LIFR: variants seen among roughly 807,000 people sequenced by gnomAD.
LIFR encodes leukemia inhibitory factor receptor.
LIFR carries 84 observed loss-of-function variants against 122.2 expected under a neutral mutation model. The observed-to-expected ratio is 0.69, with a 90% CI of 0.58 to 0.82. The LOEUF is 0.82. LIFR is among the 40% of genes least tolerant of loss of function. The probability of loss-of-function intolerance (pLI) is 0.00; values close to 1 mark genes in which losing one functional copy is unlikely to be tolerated. For missense variants in LIFR, 1,294 were observed against 1,311.6 expected (o/e 0.99, Z 0.21); for synonymous variants, 422 against 434.7 (o/e 0.97, Z 0.36).
intron 3 of LIFR, 88 bp downstream of exon 3, chr5:38,528,638 T>C: frequency 1.2e-6 from 1 of 833,882 alleles, no homozygotes. Flanking sequence ...GAAATAACCC[T>C]TTAGTTTCAC....
intron 1 of LIFR, among the ~76,000 whole-genome samples, chr5:38,588,830 T>C (rs1749830775): frequency 6.6e-6 from 1 of 152,170 alleles, no homozygotes; most frequent in South Asian, 2.1e-4. Flanking sequence ...CTGGAATTAC[T>C]CTAGAAAGTG....
At chr5:38,567,463 G>GT (rs1749059123) in intron 1 of LIFR, among the ~76,000 whole-genome samples, 1 of 149,124 alleles carries the variant, frequency 6.7e-6, no homozygotes, top group Non-Finnish European at 1.5e-5. Context: ...AAGCTGTTTG[G>GT]TTTTTATTTC....
At chr5:38,493,565 T>C (rs759237113) in intron 14 of LIFR, 41 bp downstream of exon 14, 1 of 1,579,070 alleles carries the variant, frequency 6.3e-7, no homozygotes, top group Non-Finnish European at 8.7e-7. Context: ...CTTTTAAAAA[T>C]ATTTTGTAGA....
At chr5:38,559,717 G>T (rs1748760909), upstream of LIFR, among the ~76,000 whole-genome samples, 2 of 152,216 alleles carry the variant, frequency 1.3e-5, no homozygotes, top group African/African-American at 4.8e-5. Flanking sequence ...TGTAGGTTTT[G>T]TCACAAGCTA....
chr5:38,605,887 A>G (rs1252871769), intron 2 of LIFR, among the ~76,000 whole-genome samples: 1 of 152,176 alleles, frequency 6.6e-6, no homozygotes, highest in African/African-American at 2.4e-5. Context: ...CATGTTACGT[A>G]TATTGATTGA....
chr5:38,569,722 C>T (rs1749148386), intron 1 of LIFR, among the ~76,000 whole-genome samples: 2 of 152,170 alleles, frequency 1.3e-5, no homozygotes, highest in South Asian at 2.1e-4. Flanking sequence ...CTAATTGGCA[C>T]ACCCTAAAAT....
At chr5:38,535,678 A>G (rs1039656384) in intron 1 of LIFR, among the ~76,000 whole-genome samples, 1 of 152,176 alleles carries the variant, frequency 6.6e-6, no homozygotes, top group Non-Finnish European at 1.5e-5. Flanking sequence ...GAGAGCAAAC[A>G]CATCCGAGTT....
chr5:38,535,420 G>A (rs1454877547), intron 1 of LIFR, among the ~76,000 whole-genome samples: 1 of 152,108 alleles, frequency 6.6e-6, no homozygotes, highest in Non-Finnish European at 1.5e-5. Flanking sequence ...ATGTTCCATA[G>A]GCCAAATCTT....
chr5:38,594,750 C>T (rs886688361), intron 1 of LIFR, among the ~76,000 whole-genome samples: 1 of 152,154 alleles, frequency 6.6e-6, no homozygotes, highest in African/African-American at 2.4e-5. Context: ...ACACACTAAT[C>T]TGGTTTTAGC....
At chr5:38,502,533 A>T in intron 11 of LIFR, 104 bp downstream of exon 11, 1 of 947,288 alleles carries the variant, frequency 1.1e-6, no homozygotes, top group Non-Finnish European at 1.7e-6. Context: ...TGCTGGGATT[A>T]CAGGTGTGAC....
chr5:38,562,057 A>G (rs572020556), intron 1 of LIFR, among the ~76,000 whole-genome samples: 1 of 152,300 alleles, frequency 6.6e-6, no homozygotes, highest in Admixed American at 6.5e-5. Context: ...GAGCACCGCA[A>G]ATGTGAAGAC....
Position 38,504,029 on chromosome 5 carries a change from T to A in LIFR, c.1384A>T (p.Ile462Phe). Reference protein sequence around the residue: ...SWHLPGNFAKINFLCEIEIKK... With the variant: ...SWHLPGNFAKFNFLCEIEIKK... ...ATTTCAATTTCACATAAAAAATTAA[T>A]CTTTGCAAAGTTGCCTGGTAAATGC... The change falls in exon 10 of 20, where the codon ATT (isoleucine) becomes TTT (phenylalanine). Residue 462 changes from isoleucine to phenylalanine, a missense_variant. Physicochemically the swap from Ile to Phe is conservative, Grantham distance 21. Transcript: ENST00000453190. 6.3e-7 allele frequency: 1 copy of A among 1,591,820 alleles called. No homozygotes were observed. Among genetic ancestry groups the A allele is most frequent in the Admixed American group, 1.7e-5 (1 of 59,956 alleles).
At chr5:38,557,333 T>C (rs1181592938), upstream of LIFR, 2 of 152,702 alleles carry the variant, frequency 1.3e-5, no homozygotes, top group Non-Finnish European at 1.5e-5. Context: ...CTCCGTACAT[T>C]GTTCCCATTT....
At chr5:38,483,198 A>C (rs1744090964) in intron 18 of LIFR, among the ~76,000 whole-genome samples, 1 of 152,208 alleles carries the variant, frequency 6.6e-6, no homozygotes, top group Non-Finnish European at 1.5e-5. Flanking sequence ...TGCTAAGAAA[A>C]AGGCTATTAA....
intron 3 of LIFR, 57 bp from the exon 4 acceptor site, chr5:38,527,351 A>G: frequency 8.4e-7 from 1 of 1,194,854 alleles, no homozygotes; most frequent in Non-Finnish European, 1.2e-6. Context: ...TAATTTTCAT[A>G]AAAATTTGGT....
chr5:38,545,428 A>G (rs1428907338), intron 1 of LIFR, among the ~76,000 whole-genome samples: 4 of 152,150 alleles, frequency 2.6e-5, no homozygotes, highest in African/African-American at 9.7e-5. Context: ...ATATGTAACA[A>G]TGTTGCCTGG....
chr5:38,559,537 TATA>T (rs1200354580), upstream of LIFR, among the ~76,000 whole-genome samples: 1 of 152,260 alleles, frequency 6.6e-6, no homozygotes, highest in Non-Finnish European at 1.5e-5. Flanking sequence ...TTCTAATTTA[TATA>T]ATATTTACTT....
At chr5:38,505,709 C>T (rs1227591789) in intron 9 of LIFR, among the ~76,000 whole-genome samples, 196 bp downstream of exon 9, 2 of 151,806 alleles carry the variant, frequency 1.3e-5, no homozygotes, top group East Asian at 3.9e-4. Flanking sequence ...ATTACTAATT[C>T]AAGTATTTAA....
chr5:38,530,709 G>T, intron 1 of LIFR, 43 bp from the exon 2 acceptor site: 2 of 1,535,410 alleles, frequency 1.3e-6, no homozygotes, highest in South Asian at 2.2e-5. Flanking sequence ...AGATTGTTCT[G>T]AAGGCTCACC....
Sources: allele counts gnomAD v4.1 joint callset (sites outside exome capture counted in the v4.1 genomes callset), GRCh38; gene constraint gnomAD v4.1.1; transcripts MANE v1.5; gene names NCBI Gene and HGNC (gene_info 2026-07-23, HGNC 2026-07-21).